Variants in PPP1R13B observed in about 807,000 individuals in gnomAD.
PPP1R13B encodes apoptosis-stimulating of p53 protein 1.
Under a neutral mutation model 119.8 loss-of-function variants are expected in PPP1R13B, and 44 were observed. The ratio of observed to expected loss-of-function variants is 0.37; its 90% CI spans 0.29 to 0.47. PPP1R13B has a LOEUF of 0.47. PPP1R13B is among the 20% of genes least tolerant of loss of function. The probability of loss-of-function intolerance (pLI) is 0.99; values close to 1 mark genes in which losing one functional copy is unlikely to be tolerated. For missense variants in PPP1R13B, 1,227 were observed against 1,413.5 expected, an observed-to-expected ratio of 0.87 and a Z score of 2.12; for synonymous variants, 542 against 561.5, an observed-to-expected ratio of 0.97 and a Z score of 0.49.
chr14:103,845,682 G>A (rs1481796351), intron 1 of PPP1R13B, among the ~76,000 whole-genome samples: 1 of 152,064 alleles, frequency 6.6e-6, no homozygotes, highest in Non-Finnish European at 1.5e-5. Context: ...ATACAACGAC[G>A]AAGCCAGCCA....
Position 103,734,483 on chromosome 14 carries a change from C to G in PPP1R13B, c.*671G>C, listed in dbSNP as rs1015477164. The G allele has an allele frequency of 3.3e-5, 15 of 455,682 alleles. No homozygotes were observed. The highest frequency in any genetic ancestry group is 4.9e-5 in the Non-Finnish European group (11 of 226,456). The allele number at this position is 455,682 out of a possible 1,614,324, so 28.2% of individuals were successfully genotyped here. A position where few individuals can be genotyped will look rare whatever the true frequency, so the allele number is the denominator to read the frequency against. The stretch of plus-strand genomic sequence containing the variant: ...TATGCTGAGGCTCTCCCAGTTGTCA[C>G]TTGGTCTTAGGGGTCCTGGTGCCCG... On this transcript the variant is annotated 3_prime_UTR_variant, in exon 17 of 17. Coordinates refer to ENST00000202556, the MANE Select transcript of PPP1R13B (RefSeq NM_015316.3).
At chr14:103,767,557 T>C (rs1567108115) in intron 4 of PPP1R13B, among the ~76,000 whole-genome samples, 1 of 152,242 alleles carries the variant, frequency 6.6e-6, no homozygotes, top group East Asian at 1.9e-4. Flanking sequence ...ATATAATTCT[T>C]GCAGGCCAGC....
chr14:103,835,180 T>C (rs1474702445), intron 1 of PPP1R13B, among the ~76,000 whole-genome samples: 2 of 152,178 alleles, frequency 1.3e-5, no homozygotes, highest in African/African-American at 4.8e-5. Context: ...TGGAGTACAA[T>C]GGCATGAAGA....
intron 7 of PPP1R13B, among the ~76,000 whole-genome samples, chr14:103,751,290 G>A (rs76863127): frequency 0.013 from 1,912 of 152,184 alleles, 38 homozygotes; most frequent in African/African-American, 0.043. Flanking sequence ...TTTAACAATC[G>A]CTTAAAATGT....
At chr14:103,751,480 G>A (rs761020235) in intron 7 of PPP1R13B, among the ~76,000 whole-genome samples, 2 of 152,162 alleles carry the variant, frequency 1.3e-5, no homozygotes, top group African/African-American at 2.4e-5. Context: ...TTGAAAAATC[G>A]CCTGCTGAAT....
intron 9 of PPP1R13B, among the ~76,000 whole-genome samples, chr14:103,745,319 A>G (rs368058888): frequency 4.3e-4 from 65 of 152,376 alleles, no homozygotes; most frequent in South Asian, 3.3e-3. Context: ...GATGAGCACA[A>G]ATCCACCACA....
intron 16 of PPP1R13B, 66 bp downstream of exon 16, chr14:103,735,937 G>A (rs1341458559): frequency 4.5e-6 from 7 of 1,557,772 alleles, no homozygotes; most frequent in Admixed American, 3.5e-5. Flanking sequence ...CCCACAGCAG[G>A]ATAGGACCGC....
chr14:103,743,040 G>A (rs777524816), intron 9 of PPP1R13B: 10 of 564,252 alleles, frequency 1.8e-5, no homozygotes, highest in Non-Finnish European at 2.5e-5. Context: ...TCTGCTGGCA[G>A]CTCACTGCCA....
intron 2 of PPP1R13B, among the ~76,000 whole-genome samples, chr14:103,792,789 G>A (rs1241393766): frequency 6.6e-6 from 1 of 152,032 alleles, no homozygotes; most frequent in Admixed American, 6.6e-5. Context: ...AAGAAAAAGA[G>A]GCTGGGTGCA....
At chr14:103,822,824 AAAGT>A (rs1319634150) in intron 1 of PPP1R13B, among the ~76,000 whole-genome samples, 1 of 152,182 alleles carries the variant, frequency 6.6e-6, no homozygotes, top group African/African-American at 2.4e-5. Flanking sequence ...AGAAAAAAAA[AAAGT>A]ATTTCCTAAT....
intron 1 of PPP1R13B, chr14:103,804,042 C>T (rs1332682604): frequency 2.0e-6 from 2 of 984,126 alleles, no homozygotes; most frequent in Admixed American, 6.2e-5. Flanking sequence ...GTATCTGTGA[C>T]TCATTACCTG....
rs905047942 is a variant in PPP1R13B at position 103,742,438 on chromosome 14, T to C, written c.1321-147A>G. 16 of 1,273,126 alleles carry C rather than the reference T, an allele frequency of 1.3e-5. No homozygotes were observed. Among genetic ancestry groups the C allele is most frequent in the Admixed American group, 1.0e-4 (4 of 38,388 alleles). 78.9% of individuals were successfully genotyped at this position (1,273,126 alleles called of 1,614,324 possible). On this transcript the variant is annotated intron_variant, in intron 10 of 16. Transcript: ENST00000202556. This position sits in a 1 kb window ranked among gnomAD's most constrained non-coding sequence, Gnocchi z 4.9. The stretch of plus-strand genomic sequence containing the variant: ...GACTTGGGGCACACTGTTGAGCTCA[T>C]TGCCTGTCTGCAAAAGTTCTGACCG...
At chr14:103,781,687 T>C (rs1012950131) in intron 3 of PPP1R13B, among the ~76,000 whole-genome samples, 2 of 152,230 alleles carry the variant, frequency 1.3e-5, no homozygotes, top group African/African-American at 4.8e-5. Context: ...AGTCTCGCTC[T>C]GTCGCCCAGG....
intron 1 of PPP1R13B, among the ~76,000 whole-genome samples, chr14:103,808,635 C>A (rs996483772): frequency 6.6e-6 from 1 of 152,062 alleles, no homozygotes; most frequent in Admixed American, 6.6e-5. Context: ...TTCAGCACTA[C>A]CCCCTTCCCC....
At chr14:103,739,548 C>T (rs1223559755) in intron 12 of PPP1R13B, among the ~76,000 whole-genome samples, 1 of 152,206 alleles carries the variant, frequency 6.6e-6, no homozygotes, top group African/African-American at 2.4e-5. Flanking sequence ...GTGCCAGCGA[C>T]AGCTCCCCTT....
intron 1 of PPP1R13B, among the ~76,000 whole-genome samples, chr14:103,827,341 C>G (rs8015603): frequency 0.44 from 66,746 of 151,788 alleles, 15,098 homozygotes; most frequent in African/African-American, 0.54. Context: ...AAAAAAAAGA[C>G]TGTACTAGAT....
chr14:103,738,579 TTCTC>T lies in PPP1R13B; in HGVS notation c.2864+96_2864+99del. 1 of 1,527,486 alleles carries T rather than the reference TTCTC, an allele frequency of 6.5e-7. No individual in the cohort carries two copies. Among genetic ancestry groups the T allele is most frequent in the Non-Finnish European group, 8.9e-7 (1 of 1,124,028 alleles). 94.6% of individuals were successfully genotyped at this position (1,527,486 alleles called of 1,614,324 possible). On this transcript the variant is annotated intron_variant, in intron 14 of 16. Coordinates refer to ENST00000202556, the MANE Select transcript of PPP1R13B (RefSeq NM_015316.3). The surrounding 1 kb of genome is among the most constrained non-coding windows in gnomAD (Gnocchi z 5.6). ...GAAATGATGGGTGTTCTTGCTCTAA[TTCTC>T]TCTTCCGTGCTTCCTAATTGTCTAG...
At chr14:103,779,751 C>A (rs917149824) in intron 3 of PPP1R13B, among the ~76,000 whole-genome samples, 1 of 152,044 alleles carries the variant, frequency 6.6e-6, no homozygotes. Context: ...CGCACCATTG[C>A]GCTCCAGCCC....
At position 103,734,624 on chromosome 14, in the gene PPP1R13B, A is replaced by G. The variant is rs2084042349; in HGVS notation, c.*530T>C. On this transcript the variant is annotated 3_prime_UTR_variant, in exon 17 of 17. Coordinates refer to ENST00000202556, the MANE Select transcript of PPP1R13B (RefSeq NM_015316.3). The stretch of plus-strand genomic sequence containing the variant: ...AGAGTGGGTACTGGGAGGCATACAC[A>G]CTGGGCAGCAACACTGGACATGTTT... 8.8e-6 allele frequency: 4 copies of G among 456,366 alleles called. No individual in the cohort carries two copies. The allele number at this position is 456,366 out of a possible 1,614,324, so 28.3% of individuals were successfully genotyped here.
Sources: allele counts gnomAD v4.1 joint callset (sites outside exome capture counted in the v4.1 genomes callset), GRCh38; gene constraint gnomAD v4.1.1; non-coding constraint Gnocchi (gnomAD v3.1); transcripts MANE v1.5; gene names NCBI Gene and HGNC (gene_info 2026-07-23, HGNC 2026-07-21).